Variants in INTS9 observed in about 807,000 individuals in gnomAD.
INTS9 encodes protein related to CPSF subunits of 74 kDa.
In INTS9, 55 loss-of-function variants were observed where a neutral mutation model predicts 79.7. The ratio of observed to expected loss-of-function variants is 0.69; its 90% CI spans 0.56 to 0.86. INTS9 has a LOEUF of 0.86. Among genes scored for constraint, INTS9 ranks in the 40% least tolerant of loss-of-function variants. The pLI, the probability that INTS9 is intolerant of heterozygous loss-of-function variation, is 0.00. For synonymous variants in INTS9, 319 were observed against 325.2 expected (o/e 0.98, Z 0.20); for missense variants, 721 against 831.5 (o/e 0.87, Z 1.64).
Position 28,775,915 on chromosome 8 carries a change from C to A in INTS9, c.1407G>T (p.Val469=). The change falls in exon 14 of 17, where the codon GTG becomes GTT. Residue 469 remains valine (V), a synonymous_variant. Transcript: ENST00000521022. Reference sequence around the variant, plus strand: ...GCTGAGTGTACTGCTCAGGACACACCACGTGCAGGGGCTGAGGAACCAATG... The same window carrying A: ...GCTGAGTGTACTGCTCAGGACACACAACGTGCAGGGGCTGAGGAACCAATG... The part of the protein sequence containing the change: ...KLLKEVQPLH[V]VCPEQYTQPP... The A allele has an allele frequency of 6.4e-7, 1 of 1,565,806 alleles. No individual in the cohort carries two copies. The highest frequency in any genetic ancestry group is 8.7e-7 in the Non-Finnish European group (1 of 1,155,726).
At chr8:28,878,114 C>G (rs1809492348) in intron 1 of INTS9, among the ~76,000 whole-genome samples, 1 of 151,936 alleles carries the variant, frequency 6.6e-6, no homozygotes, top group Non-Finnish European at 1.5e-5. Context: ...AGACACATCT[C>G]TAACTTAAAA....
intron 8 of INTS9, chr8:28,799,598 TCAAA>T (rs1194626837): frequency 6.6e-6 from 1 of 152,148 alleles, no homozygotes; most frequent in African/African-American, 2.4e-5. Context: ...AGCTGACACC[TCAAA>T]CAACTCCATT....
At chr8:28,832,939 G>A (rs1806582712) in intron 6 of INTS9, among the ~76,000 whole-genome samples, 1 of 151,812 alleles carries the variant, frequency 6.6e-6, no homozygotes, top group African/African-American at 2.4e-5. Flanking sequence ...CTCCAGCCTG[G>A]GAGACAGAGC....
At chr8:28,768,649 TAA>T (rs982360185) in intron 16 of INTS9, among the ~76,000 whole-genome samples, 1 of 152,194 alleles carries the variant, frequency 6.6e-6, no homozygotes, top group African/African-American at 2.4e-5. Context: ...AGCTCCCTCC[TAA>T]GTTTCAGCTG....
rs553452356 is a variant in INTS9, at chr8:28,801,205, C to T, written c.745-4550G>A. On this transcript the variant is annotated intron_variant, in intron 8 of 16. Transcript: ENST00000521022. ...TGCCTTAGTTCTTAAAAATTTGATT[C>T]GGCTGGGCACGGTGGCTCACGCCTA... is the stretch of plus-strand genomic sequence containing the variant. Among the ~76,000 whole-genome samples the T allele has an allele frequency of 5.3e-5, 8 of 152,262 alleles. 1 individual carries two copies. Among genetic ancestry groups the T allele is most frequent in the African/African-American group, 1.9e-4 (8 of 41,558 alleles).
intron 2 of INTS9, among the ~76,000 whole-genome samples, chr8:28,851,242 C>A (rs1417406200): frequency 6.6e-6 from 1 of 151,600 alleles, no homozygotes; most frequent in Admixed American, 6.5e-5. Context: ...CCCTCTTCCT[C>A]TTCCCAAAAT....
At chr8:28,809,853 G>C (rs1373471741) in intron 8 of INTS9, among the ~76,000 whole-genome samples, 2 of 152,146 alleles carry the variant, frequency 1.3e-5, no homozygotes, top group Non-Finnish European at 2.9e-5. Flanking sequence ...TCTAGACCTT[G>C]AGATGAAACT....
At chr8:28,784,906 T>C (rs1486122841) in intron 11 of INTS9, among the ~76,000 whole-genome samples, 1 of 152,248 alleles carries the variant, frequency 6.6e-6, no homozygotes, top group Non-Finnish European at 1.5e-5. Context: ...TCTTCTTCCA[T>C]TTCCAGATCC....
intron 1 of INTS9, among the ~76,000 whole-genome samples, chr8:28,871,398 T>G (rs1216981217): frequency 6.6e-6 from 1 of 152,172 alleles, no homozygotes; most frequent in African/African-American, 2.4e-5. Context: ...AATATAATTC[T>G]GGGGTAGGAG....
rs910088635 is a variant in INTS9, at chr8:28,806,010, G to A, written c.744+6317C>T. Among the ~76,000 whole-genome samples the A allele has an allele frequency of 5.3e-4, 81 of 151,874 alleles. 1 individual carries two copies. Among genetic ancestry groups the A allele is most frequent in the Non-Finnish European group, 2.1e-4 (14 of 67,978 alleles). On this transcript the variant is annotated intron_variant, in intron 8 of 16. Coordinates refer to ENST00000521022, the MANE Select transcript of INTS9 (RefSeq NM_018250.4). Reference sequence around the variant, plus strand: ...TTGGGAGGCCAAAGGTGGACCGATCGCTTGAGGCCAGGAGTTTGAGACCAG... The same window carrying A: ...TTGGGAGGCCAAAGGTGGACCGATCACTTGAGGCCAGGAGTTTGAGACCAG...
At chr8:28,792,494 C>A (rs1803969594) in intron 10 of INTS9, among the ~76,000 whole-genome samples, 1 of 149,950 alleles carries the variant, frequency 6.7e-6, no homozygotes, top group African/African-American at 2.5e-5. Flanking sequence ...TGCAAAAAAA[C>A]AAAAAAATCA....
chr8:28,794,897 G>T (rs894953378), intron 9 of INTS9, among the ~76,000 whole-genome samples: 1 of 152,116 alleles, frequency 6.6e-6, no homozygotes, highest in Non-Finnish European at 1.5e-5. Context: ...TAAATGTAAG[G>T]TTCCTTTCAA....
chr8:28,856,903 A>G (rs1288515357), intron 2 of INTS9, among the ~76,000 whole-genome samples: 1 of 152,124 alleles, frequency 6.6e-6, no homozygotes, highest in African/African-American at 2.4e-5. Flanking sequence ...CCCAGTGTCT[A>G]CTGTTGCCAT....
chr8:28,777,191 G>C (rs1447840576), intron 13 of INTS9, among the ~76,000 whole-genome samples: 1 of 152,058 alleles, frequency 6.6e-6, no homozygotes, highest in Non-Finnish European at 1.5e-5. Flanking sequence ...GAACACCAGG[G>C]AGTGGAAAGG....
chr8:28,859,728 C>T, intron 1 of INTS9, 165 bp from the exon 2 acceptor site: 2 of 763,712 alleles, frequency 2.6e-6, no homozygotes, highest in Non-Finnish European at 2.2e-6. Flanking sequence ...GACTACTTTC[C>T]CTAGCCGTTC....
intron 1 of INTS9, among the ~76,000 whole-genome samples, chr8:28,888,388 C>CA (rs921363779): frequency 1.4e-4 from 22 of 151,912 alleles, no homozygotes; most frequent in East Asian, 5.8e-4. Context: ...CCCATTTCTA[C>CA]AAAAAAAATA....
At chr8:28,816,398 C>T (rs1488657977) in intron 6 of INTS9, among the ~76,000 whole-genome samples, 4 of 147,236 alleles carry the variant, frequency 2.7e-5, no homozygotes, top group East Asian at 2.0e-4. Flanking sequence ...TGAGAATATG[C>T]GGTGTTTGGT....
intron 4 of INTS9, 26 bp from the exon 5 acceptor site, chr8:28,837,802 T>C (rs752819393): frequency 6.2e-6 from 10 of 1,605,616 alleles, no homozygotes; most frequent in Non-Finnish European, 8.5e-6. Context: ...GGGAATGATA[T>C]ATATCTGTTC....
chr8:28,789,506 C>T (rs1481311236), intron 10 of INTS9, among the ~76,000 whole-genome samples: 1 of 137,174 alleles, frequency 7.3e-6, no homozygotes, highest in African/African-American at 2.5e-5. Flanking sequence ...ATAAATGGCG[C>T]TTCTAGGTTT....
Sources: gnomAD v4.1 joint callset for allele counts (sites outside exome capture counted in the v4.1 genomes callset) on GRCh38, gnomAD v4.1.1 for gene constraint, MANE v1.5 for transcripts, NCBI Gene and HGNC (gene_info 2026-07-23, HGNC 2026-07-21) for gene names.